Variants in KCNMA1 observed in about 807,000 individuals in gnomAD.
KCNMA1 encodes Calcium-activated potassium channel subunit alpha-1.
In KCNMA1, 29 loss-of-function variants were observed where a neutral mutation model predicts 140.0. That is an observed-to-expected ratio of 0.21 (90% CI 0.15 to 0.28). KCNMA1 has a LOEUF of 0.28. Among genes scored for constraint, KCNMA1 ranks in the 10% least tolerant of loss-of-function variants. KCNMA1 has a pLI of 1.00. For synonymous variants in KCNMA1, 612 were observed against 611.9 expected, an observed-to-expected ratio of 1.00 and a Z score of 0.00; for missense variants, 880 against 1,602.2, an observed-to-expected ratio of 0.55 and a Z score of 7.70.
At chr10:77,264,431 AGTCT>A (rs2062862534) in intron 2 of KCNMA1, among the ~76,000 whole-genome samples, 1 of 152,270 alleles carries the variant, frequency 6.6e-6, no homozygotes, top group East Asian at 1.9e-4. Flanking sequence ...GAAGAAATGG[AGTCT>A]GTCTGTAGAA....
At chr10:77,082,427 A>G (rs1310966410) in intron 12 of KCNMA1, among the ~76,000 whole-genome samples, 3 of 152,156 alleles carry the variant, frequency 2.0e-5, no homozygotes, top group Non-Finnish European at 4.4e-5. Flanking sequence ...ATAAAATACT[A>G]CAATTAAGAG....
At chr10:77,556,502 CAAAAAAAA>C (rs11446237) in intron 1 of KCNMA1, among the ~76,000 whole-genome samples, 1 of 68,902 alleles carries the variant, frequency 1.5e-5, no homozygotes, top group Non-Finnish European at 2.4e-5. Context: ...GGGACTATCT[CAAAAAAAA>C]AAAAAAAAAA....
At chr10:77,341,147 G>T (rs1325844278) in intron 2 of KCNMA1, among the ~76,000 whole-genome samples, 1 of 152,176 alleles carries the variant, frequency 6.6e-6, no homozygotes, top group African/African-American at 2.4e-5. Flanking sequence ...TCACCGTTCT[G>T]TATGTCCGTT....
downstream of KCNMA1, among the ~76,000 whole-genome samples, chr10:76,881,451 C>T (rs74139844): frequency 0.028 from 4,278 of 152,186 alleles, 208 homozygotes; most frequent in African/African-American, 0.097. Flanking sequence ...ATAATATCAG[C>T]GGGCATTATA....
At chr10:77,075,421 AAGG>A (rs2096363354) in intron 13 of KCNMA1, among the ~76,000 whole-genome samples, 1 of 152,222 alleles carries the variant, frequency 6.6e-6, no homozygotes, top group Non-Finnish European at 1.5e-5. Flanking sequence ...TTGTGTGTGA[AAGG>A]AGATTTTTTT....
intron 1 of KCNMA1, among the ~76,000 whole-genome samples, chr10:77,558,229 A>C (rs1270088882): frequency 1.3e-5 from 2 of 151,808 alleles, no homozygotes; most frequent in Non-Finnish European, 2.9e-5. Context: ...TTCTGATCTT[A>C]AAAAAAATAT....
intron 1 of KCNMA1, among the ~76,000 whole-genome samples, chr10:77,422,235 G>A (rs1479202264): frequency 1.3e-5 from 2 of 152,348 alleles, no homozygotes; most frequent in African/African-American, 4.8e-5. Context: ...AAACTTTAGT[G>A]TGCATCAGAG....
At chr10:77,212,833 C>G (rs891151531) in intron 3 of KCNMA1, among the ~76,000 whole-genome samples, 1 of 152,072 alleles carries the variant, frequency 6.6e-6, no homozygotes, top group African/African-American at 2.4e-5. Context: ...TACCACACTT[C>G]GTCAGAGAAA....
intron 3 of KCNMA1, among the ~76,000 whole-genome samples, chr10:77,227,331 A>G (rs1357878064): frequency 6.6e-6 from 1 of 152,206 alleles, no homozygotes; most frequent in African/African-American, 2.4e-5. Context: ...GAAGAAGCTA[A>G]TGAATTTCAG....
chr10:77,477,097 C>T (rs537516070), intron 1 of KCNMA1, among the ~76,000 whole-genome samples: 7 of 152,290 alleles, frequency 4.6e-5, no homozygotes, highest in Middle Eastern at 3.4e-3. Context: ...TGCCTCCTGC[C>T]GGTCATTTGT....
At chr10:77,068,710 G>GTGTGTGTGTGTT in intron 14 of KCNMA1, among the ~76,000 whole-genome samples, 1 of 150,510 alleles carries the variant, frequency 6.6e-6, no homozygotes, top group East Asian at 2.0e-4. Context: ...GTGTGTGTGT[G>GTGTGTGTGTGTT]TGTGTGTGTG....
At position 76,907,086 on chromosome 10, in the gene KCNMA1, G is replaced by T. The variant is rs1012622110; in HGVS notation, c.3147+2880C>A. Among the ~76,000 whole-genome samples the T allele has an allele frequency of 2.0e-5, 3 of 152,134 alleles. No individual in the cohort carries two copies. In the South Asian group the frequency reaches 6.2e-4, roughly 32 times the overall value. On this transcript the variant is annotated intron_variant, in intron 25 of 27. Coordinates refer to ENST00000286628, the MANE Select transcript of KCNMA1 (RefSeq NM_001161352.2). Reference sequence around the variant, plus strand: ...GCTAAAGTGCCTCGCACAGTTCTGGGCCCTTAGTAAATGATGCTCCTGATG... The same window carrying T: ...GCTAAAGTGCCTCGCACAGTTCTGGTCCCTTAGTAAATGATGCTCCTGATG...
intron 1 of KCNMA1, among the ~76,000 whole-genome samples, chr10:77,489,344 ATTTT>A (rs563271186): frequency 0.013 from 1,967 of 151,424 alleles, 24 homozygotes; most frequent in Non-Finnish European, 0.021. Context: ...TTATTTATTT[ATTTT>A]TTTTGAGATG....
intron 15 of KCNMA1, among the ~76,000 whole-genome samples, chr10:77,032,018 T>C (rs1168224197): frequency 2.0e-5 from 3 of 152,166 alleles, no homozygotes; most frequent in African/African-American, 7.2e-5. Context: ...GCTTGTCTTA[T>C]TTGTTAGAAG....
At chr10:76,951,423 T>C (rs1346056999) in intron 21 of KCNMA1, among the ~76,000 whole-genome samples, 1 of 152,214 alleles carries the variant, frequency 6.6e-6, no homozygotes, top group Admixed American at 6.5e-5. Context: ...GGGACTTGCC[T>C]GGTCACTTAA....
rs1491457588 is a variant in KCNMA1, at chr10:77,382,994, G to GTGTA, written c.540+20867_540+20868insTACA. On this transcript the variant is annotated intron_variant, in intron 2 of 27. Coordinates refer to ENST00000286628, the MANE Select transcript of KCNMA1 (RefSeq NM_001161352.2). ...TGTGTGTGTGTGTGTGTGTGTGTGTGTATATATATATATATATATATATAT... is the reference window on the plus strand; with the variant it reads ...TGTGTGTGTGTGTGTGTGTGTGTGTGTGTATATATATATATATATATATATATAT... Among the ~76,000 whole-genome samples, 42 of 46,428 alleles carry GTGTA rather than the reference G, an allele frequency of 9.0e-4. 2 individuals carry two copies. Among genetic ancestry groups the GTGTA allele is most frequent in the East Asian group, 8.2e-3 (18 of 2,190 alleles). The allele number at this position is 46,428 out of a possible 152,430, so 30.5% of individuals were successfully genotyped here. A position where few individuals can be genotyped will look rare whatever the true frequency, so the allele number is the denominator to read the frequency against.
chr10:77,555,881 C>A (rs1200099642), intron 1 of KCNMA1, among the ~76,000 whole-genome samples: 1 of 143,366 alleles, frequency 7.0e-6, no homozygotes, highest in Non-Finnish European at 1.5e-5. Context: ...CTGGAATTAA[C>A]TAGGTAAACC....
At chr10:77,057,655 A>AT (rs986481833) in intron 14 of KCNMA1, among the ~76,000 whole-genome samples, 3 of 152,166 alleles carry the variant, frequency 2.0e-5, no homozygotes, top group Non-Finnish European at 4.4e-5. Flanking sequence ...TTTCACTTAA[A>AT]GAGGCAAATC....
intron 2 of KCNMA1, among the ~76,000 whole-genome samples, chr10:77,345,562 A>T (rs1287797431): frequency 6.6e-6 from 1 of 152,204 alleles, no homozygotes; most frequent in African/African-American, 2.4e-5. Context: ...CATCAACCCA[A>T]GGGGGACAAA....
Sources: gnomAD v4.1 joint callset for allele counts (sites outside exome capture counted in the v4.1 genomes callset) on GRCh38, gnomAD v4.1.1 for gene constraint, MANE v1.5 for transcripts, NCBI Gene and HGNC (gene_info 2026-07-23, HGNC 2026-07-21) for gene names.